The following SRPRA variants were observed in gnomAD, a reference collection of about 807,000 sequenced individuals.
SRPRA encodes SRP receptor subunit alpha, also known as signal recognition particle receptor subunit alpha.
Under a neutral mutation model 61.1 loss-of-function variants are expected in SRPRA, and 30 were observed. The ratio of observed to expected loss-of-function variants is 0.49; its 90% CI spans 0.37 to 0.67. The LOEUF (loss-of-function observed/expected upper bound fraction) is 0.67, where lower values mean the gene tolerates loss of function less well. Ranked by LOEUF, SRPRA falls within the 30% of genes least tolerant of loss-of-function variation. SRPRA has a pLI of 0.00. For missense variants in SRPRA, 759 were observed against 828.4 expected, an observed-to-expected ratio of 0.92 and a Z score of 1.03; for synonymous variants, 324 against 299.7, an observed-to-expected ratio of 1.08 and a Z score of -0.84.
chr11:126,252,838 C>A, the SRPRA span, among the ~76,000 whole-genome samples: 1 of 152,054 alleles, frequency 6.6e-6, no homozygotes, highest in Non-Finnish European at 1.5e-5. The surrounding 1 kb of genome is among the most constrained non-coding windows in gnomAD (Gnocchi z 4.7). Context: ...ATTTTGAGAC[C>A]AGCCTGTCCA....
the SRPRA span, among the ~76,000 whole-genome samples, chr11:126,251,977 T>G: frequency 6.9e-6 from 1 of 145,004 alleles, no homozygotes; most frequent in Non-Finnish European, 1.5e-5. Context: ...CCTGGCCGTT[T>G]TGTTTTGTTT....
At chr11:126,249,731 CAAAAAA>C in the SRPRA span, among the ~76,000 whole-genome samples, 1,327 of 78,988 alleles carry the variant, frequency 0.017, 10 homozygotes, top group Non-Finnish European at 0.023. Flanking sequence ...GACTCCGTCT[CAAAAAA>C]AAAAAAAAAA....
At chr11:126,250,500 C>T in the SRPRA span, 2,281 of 1,605,552 alleles carry the variant, frequency 1.4e-3, 3 homozygotes, top group Non-Finnish European at 1.8e-3. The surrounding 1 kb of genome is among the most constrained non-coding windows in gnomAD (Gnocchi z 5.1). Context: ...TCAAATCCCT[C>T]CTCAGCGTAC....
rs1466181604 is a variant in SRPRA at position 126,266,065 on chromosome 11, G to A, written c.949C>T (p.Leu317=). ...STKPSATKGT[L]GGMFGMLKGL... is the part of the protein sequence containing the mutation. ...TTCAGCATACCAAACATGCCACCCA[G>A]TGTTCCCTTGGTCGCACTGCAGGGA... is the stretch of plus-strand genomic sequence containing the variant. The change falls in exon 8 of 14, where the codon CTG becomes TTG. Residue 317 remains leucine, a synonymous_variant. Coordinates refer to ENST00000332118, the MANE Select transcript of SRPRA (RefSeq NM_003139.4). 1.9e-6 allele frequency: 3 copies of A among 1,614,146 alleles called. No homozygotes were observed. The highest frequency in any genetic ancestry group is 1.7e-5 in the Admixed American group (1 of 60,024).
In SRPRA at chr11:126,264,456, T is replaced by G. The variant is rs1316280119; in HGVS notation, c.1609A>C (p.Lys537Gln). 12 of 1,614,220 alleles carry G rather than the reference T, an allele frequency of 7.4e-6. No homozygotes were observed. The highest frequency in any genetic ancestry group is 9.3e-6 in the Non-Finnish European group (11 of 1,180,040). ...DNAPLMTALA[K>Q]LITVNTPDLV... ...TCAGGTGTATTGACAGTAATGAGTT[T>G]GGCCAGGGCAGTCATCAGAGGGGCA... is the stretch of plus-strand genomic sequence containing the variant. Residue 537 changes from lysine (K) to glutamine (Q), a missense_variant, in exon 12 of 14, where the codon AAA (lysine) becomes CAA (glutamine). By Grantham distance (53) the Lys-to-Gln change is moderately conservative. Around this residue, in one of 2 missense-constraint regions of SRPRA, gnomAD observed 284 missense variants for 365.9 expected, o/e 0.78. Transcript: ENST00000332118. This position sits in a 1 kb window ranked among gnomAD's most constrained non-coding sequence, Gnocchi z 5.0.
At position 126,267,783 on chromosome 11, in the gene SRPRA, C is replaced by T; in HGVS notation, c.202-71G>A. 7 of 1,588,086 alleles carry T rather than the reference C, an allele frequency of 4.4e-6. No homozygotes were observed. Among genetic ancestry groups the T allele is most frequent in the South Asian group, 1.1e-5 (1 of 88,840 alleles). ...CTAGAATGGAGGGACGCCAACTCAA[C>T]CCTGGCTTTCAGAGATAGGTTCAGC... On this transcript the variant is annotated intron_variant, in intron 2 of 13. Transcript: ENST00000332118. The surrounding 1 kb of genome is among the most constrained non-coding windows in gnomAD (Gnocchi z 4.2).
the SRPRA span, among the ~76,000 whole-genome samples, chr11:126,249,741 A>C: frequency 6.7e-6 from 1 of 149,756 alleles, no homozygotes; most frequent in Non-Finnish European, 1.5e-5. Flanking sequence ...CAAAAAAAAA[A>C]AAAAAAAAAA....
chr11:126,241,166 G>A, the SRPRA span: 1 of 1,097,940 alleles, frequency 9.1e-7, no homozygotes, highest in Non-Finnish European at 1.3e-6. Flanking sequence ...TTTACAGCTT[G>A]TAGGTTTCCA....
the SRPRA span, among the ~76,000 whole-genome samples, chr11:126,252,470 G>C: frequency 6.6e-6 from 1 of 152,288 alleles, no homozygotes; most frequent in East Asian, 1.9e-4. This position sits in a 1 kb window ranked among gnomAD's most constrained non-coding sequence, Gnocchi z 4.7. Context: ...ATTGGGCTGG[G>C]CACAGCAGCT....
chr11:126,261,199 C>T (rs1210462155), downstream of SRPRA: 4 of 521,270 alleles, frequency 7.7e-6, no homozygotes, highest in Non-Finnish European at 1.4e-5. Flanking sequence ...TACAAGCAAT[C>T]GTAGTGCACT....
rs1377015296 is a variant in SRPRA at position 126,264,440 on chromosome 11, T to A, written c.1625A>T (p.Asn542Ile). The A allele has an allele frequency of 6.2e-7, 1 of 1,614,222 alleles. No homozygotes were observed. The highest frequency in any genetic ancestry group is 1.1e-5 in the South Asian group (1 of 91,080). The change falls in exon 12 of 14, where the codon AAT becomes ATT. Residue 542 changes from asparagine to isoleucine, a missense_variant. Physicochemically the swap from Asn to Ile is moderately radical, Grantham distance 149 (BLOSUM62 -3). Coordinates refer to ENST00000332118, the MANE Select transcript of SRPRA (RefSeq NM_003139.4). The surrounding 1 kb of genome is among the most constrained non-coding windows in gnomAD (Gnocchi z 5.0). ...MTALAKLITV[N>I]TPDLVLFVGE... ...TACAAACAGCACCAAATCAGGTGTA[T>A]TGACAGTAATGAGTTTGGCCAGGGC...
chr11:126,267,199 T>C lies in SRPRA; in HGVS notation c.502A>G (p.Lys168Glu). ...CCTTCCTTCTTGGCCCCCTTTTTTT[T>C]GCTATTCTTTGCTTTTTCCTTGGGC... ...EKPKEKAKNS[K>E]KKGAKKEGSD... is the part of the protein sequence containing the mutation. The change falls in exon 4 of 14, where the codon AAA becomes GAA. Residue 168 changes from lysine (K) to glutamate (E), a missense_variant. Physicochemically the swap from Lys to Glu is moderately conservative, Grantham distance 56 (BLOSUM62 1). Transcript: ENST00000332118. This position sits in a 1 kb window ranked among gnomAD's most constrained non-coding sequence, Gnocchi z 4.2. 1 of 1,614,132 alleles carries C rather than the reference T, an allele frequency of 6.2e-7. No homozygotes were observed. The highest frequency in any genetic ancestry group is 8.5e-7 in the Non-Finnish European group (1 of 1,180,034).
At position 126,266,048 on chromosome 11, in the gene SRPRA, A is replaced by G. The variant is rs1440986508; in HGVS notation, c.966T>C (p.Gly322=). The change falls in exon 8 of 14, where the codon GGT becomes GGC. Residue 322 remains glycine, a synonymous_variant. Transcript: ENST00000332118. ...TTGAACCCACAAGGCCCTTCAGCAT[A>G]CCAAACATGCCACCCAGTGTTCCCT... ...ATKGTLGGMF[G]MLKGLVGSKS... The G allele has an allele frequency of 1.2e-6, 2 of 1,614,172 alleles. No individual in the cohort carries two copies. The highest frequency in any genetic ancestry group is 3.3e-5 in the Admixed American group (2 of 60,024).
chr11:126,250,615 T>C, the SRPRA span: 1 of 1,614,066 alleles, frequency 6.2e-7, no homozygotes, highest in Non-Finnish European at 8.5e-7. This position sits in a 1 kb window ranked among gnomAD's most constrained non-coding sequence, Gnocchi z 5.1. Context: ...CAGTCAGTTC[T>C]CCACCTGATG....
At chr11:126,248,426 A>G in the SRPRA span, among the ~76,000 whole-genome samples, 4 of 114,994 alleles carry the variant, frequency 3.5e-5, no homozygotes, top group Non-Finnish European at 6.5e-5. Flanking sequence ...GCTGGAGTGC[A>G]ATGGTGCGAT....
chr11:126,254,379 C>T, the SRPRA span: 2 of 1,614,204 alleles, frequency 1.2e-6, no homozygotes, highest in East Asian at 2.2e-5. Flanking sequence ...ACCCTAGTGG[C>T]ATTGTCCTTC....
chr11:126,238,626 C>G, the SRPRA span, among the ~76,000 whole-genome samples: 4 of 152,254 alleles, frequency 2.6e-5, no homozygotes, highest in African/African-American at 9.6e-5. Flanking sequence ...GTGCAGTGTT[C>G]TCAGATATAG....
downstream of SRPRA, chr11:126,261,275 G>T: frequency 1.6e-6 from 1 of 632,054 alleles, no homozygotes; most frequent in African/African-American, 1.8e-5. Context: ...TATCCTCTCT[G>T]CCTCCTTATC....
At chr11:126,240,545 G>T in the SRPRA span, among the ~76,000 whole-genome samples, 17 of 152,266 alleles carry the variant, frequency 1.1e-4, no homozygotes, top group African/African-American at 3.9e-4. Context: ...GGACTAGGAA[G>T]GGAAAACTGA....
Sources: allele counts gnomAD v4.1 joint callset (sites outside exome capture counted in the v4.1 genomes callset), GRCh38; gene constraint gnomAD v4.1.1; regional missense constraint gnomAD v4.1.1; non-coding constraint Gnocchi (gnomAD v3.1); transcripts MANE v1.5; gene names NCBI Gene and HGNC (gene_info 2026-07-23, HGNC 2026-07-21).